Variants in THRB observed in about 807,000 individuals in gnomAD.
THRB encodes nuclear receptor subfamily 1 group A member 2.
In THRB, 12 loss-of-function variants were observed where a neutral mutation model predicts 47.8. That is an observed-to-expected ratio of 0.25 (90% CI 0.16 to 0.41). The LOEUF (loss-of-function observed/expected upper bound fraction) is 0.41. Ranked by LOEUF, THRB falls within the 10% of genes least tolerant of loss-of-function variation. The probability of loss-of-function intolerance (pLI) is 1.00; values close to 1 mark genes in which losing one functional copy is unlikely to be tolerated. For missense variants in THRB, 348 were observed against 589.2 expected (o/e 0.59, Z 4.24); for synonymous variants, 218 against 212.2 (o/e 1.03, Z -0.24).
At chr3:24,388,958 T>C (rs2066344029) in intron 1 of THRB, among the ~76,000 whole-genome samples, 1 of 152,202 alleles carries the variant, frequency 6.6e-6, no homozygotes, top group Admixed American at 6.5e-5. Flanking sequence ...GTTCTAATCA[T>C]GCTTGCTAAG....
At chr3:24,336,722 C>CCTTTTTTT (rs1167185445) in intron 2 of THRB, among the ~76,000 whole-genome samples, 3,272 of 135,354 alleles carry the variant, frequency 0.024, 52 homozygotes, top group African/African-American at 0.041. Context: ...AATTCTCATG[C>CCTTTTTTT]TTTTTTTTTT....
intron 4 of THRB, among the ~76,000 whole-genome samples, chr3:24,208,982 A>T (rs545692201): frequency 4.6e-4 from 70 of 152,362 alleles, no homozygotes; most frequent in African/African-American, 1.7e-3. Flanking sequence ...CAAAGAACTC[A>T]AACTTACAAG....
At chr3:24,209,468 C>T (rs1218003507) in intron 4 of THRB, among the ~76,000 whole-genome samples, 6 of 152,150 alleles carry the variant, frequency 3.9e-5, no homozygotes, top group Admixed American at 2.0e-4. Context: ...AAATGTGGCA[C>T]ATATACACCA....
intron 9 of THRB, among the ~76,000 whole-genome samples, chr3:24,132,145 A>G (rs941863605): frequency 6.6e-6 from 1 of 152,164 alleles, no homozygotes; most frequent in African/African-American, 2.4e-5. Context: ...AGCAGGAGTC[A>G]TTCCAGGTGA....
intron 4 of THRB, among the ~76,000 whole-genome samples, chr3:24,204,790 G>A (rs1375002426): frequency 1.3e-5 from 2 of 152,192 alleles, no homozygotes; most frequent in Non-Finnish European, 2.9e-5. Flanking sequence ...ACAATTACCA[G>A]TGTAGAGAAG....
In THRB at chr3:24,121,291, GT is replaced by G. The variant is rs2031640969; in HGVS notation, c.*1592del. 1 of 152,614 alleles carries G rather than the reference GT, an allele frequency of 6.6e-6. No homozygotes were observed. Among genetic ancestry groups the G allele is most frequent in the South Asian group, 2.1e-4 (1 of 4,832 alleles). The allele number at this position is 152,614 out of a possible 1,614,324, so 9.5% of individuals were successfully genotyped here. ...CTCAGGCACCCAGACTTCTGGGCCA[GT>G]TATGCTCCACCAAACTTACAAAAAG... On this transcript the variant is annotated 3_prime_UTR_variant, in exon 11 of 11. Transcript: ENST00000646209.
chr3:24,261,033 G>A (rs1350688499), intron 3 of THRB, among the ~76,000 whole-genome samples: 1 of 126,080 alleles, frequency 7.9e-6, no homozygotes, highest in African/African-American at 3.5e-5. Context: ...GCTGGTCTGG[G>A]CCCACACCTG....
At chr3:24,186,944 CAAAA>C (rs71057655) in intron 5 of THRB, among the ~76,000 whole-genome samples, 4,330 of 77,632 alleles carry the variant, frequency 0.056, 150 homozygotes, top group African/African-American at 0.18. Flanking sequence ...GACTCCATTT[CAAAA>C]AAAAAAAAAA....
intron 1 of THRB, among the ~76,000 whole-genome samples, chr3:24,396,706 A>G (rs2066992335): frequency 6.6e-6 from 1 of 152,266 alleles, no homozygotes; most frequent in Non-Finnish European, 1.5e-5. Flanking sequence ...AAATCTTTGT[A>G]AAGCAGTGTT....
At chr3:24,434,476 C>A (rs2070744643) in intron 1 of THRB, among the ~76,000 whole-genome samples, 1 of 152,190 alleles carries the variant, frequency 6.6e-6, no homozygotes. Flanking sequence ...TAATGTTGAG[C>A]ACAAGCTCTC....
intron 2 of THRB, among the ~76,000 whole-genome samples, chr3:24,316,300 C>CT: frequency 6.6e-6 from 1 of 152,166 alleles, no homozygotes; most frequent in Non-Finnish European, 1.5e-5. Flanking sequence ...ACTATCATGC[C>CT]AGTAACATTT....
intron 4 of THRB, among the ~76,000 whole-genome samples, chr3:24,228,175 A>G (rs1258623564): frequency 6.6e-6 from 1 of 151,892 alleles, no homozygotes; most frequent in Non-Finnish European, 1.5e-5. Flanking sequence ...CTTTTACCTA[A>G]CCTTTGTCAT....
chr3:24,193,561 T>C (rs75033428), intron 4 of THRB, among the ~76,000 whole-genome samples: 2,952 of 152,196 alleles, frequency 0.019, 89 homozygotes, highest in East Asian at 0.06. Context: ...TTTTGAGGTC[T>C]ACTGAGTGAC....
chr3:24,214,558 C>T (rs1397372090), intron 4 of THRB, among the ~76,000 whole-genome samples: 2 of 152,222 alleles, frequency 1.3e-5, no homozygotes, highest in African/African-American at 2.4e-5. Context: ...GGCAAAAACC[C>T]TCACCAGTCT....
chr3:24,252,891 G>T (rs114191839), intron 3 of THRB, among the ~76,000 whole-genome samples: 1 of 152,182 alleles, frequency 6.6e-6, no homozygotes, highest in Non-Finnish European at 1.5e-5. Context: ...TCTGTGGATG[G>T]ACACAAAGAA....
At chr3:24,185,117 C>T (rs2042402279) in intron 5 of THRB, among the ~76,000 whole-genome samples, 2 of 152,152 alleles carry the variant, frequency 1.3e-5, no homozygotes, top group African/African-American at 4.8e-5. Flanking sequence ...CCTTTGCTGA[C>T]ATAAGATATT....
intron 1 of THRB, among the ~76,000 whole-genome samples, chr3:24,406,354 T>C (rs2067827235): frequency 1.3e-5 from 2 of 151,836 alleles, no homozygotes; most frequent in South Asian, 4.1e-4. Flanking sequence ...GCAATTATAT[T>C]AAATCAAGTA....
intron 2 of THRB, among the ~76,000 whole-genome samples, chr3:24,304,981 T>C (rs1240385737): frequency 6.6e-6 from 1 of 152,088 alleles, no homozygotes; most frequent in Non-Finnish European, 1.5e-5. Flanking sequence ...GAGACAGAAA[T>C]GGTGATTAAA....
At chr3:24,426,515 A>C (rs1272119654) in intron 1 of THRB, among the ~76,000 whole-genome samples, 2 of 151,988 alleles carry the variant, frequency 1.3e-5, no homozygotes, top group African/African-American at 4.8e-5. Flanking sequence ...TAGCCATGTG[A>C]ATCGATTTTT....
Sources: gnomAD v4.1 joint callset for allele counts (sites outside exome capture counted in the v4.1 genomes callset) on GRCh38, gnomAD v4.1.1 for gene constraint, MANE v1.5 for transcripts, NCBI Gene and HGNC (gene_info 2026-07-23, HGNC 2026-07-21) for gene names.